The following TANC2 variants were observed in gnomAD, a reference collection of about 807,000 sequenced individuals.
The protein encoded by TANC2 is tetratricopeptide repeat, ankyrin repeat and coiled-coil containing 2.
Under a neutral mutation model 210.5 loss-of-function variants are expected in TANC2, and 26 were observed. The ratio of observed to expected loss-of-function variants is 0.12; its 90% CI spans 0.09 to 0.17. The LOEUF (loss-of-function observed/expected upper bound fraction) is 0.17, where lower values mean the gene tolerates loss of function less well. TANC2 is among the 10% of genes least tolerant of loss of function. TANC2 has a pLI of 1.00. For synonymous variants in TANC2, 931 were observed against 967.1 expected (o/e 0.96, Z 0.69); for missense variants, 2,129 against 2,608.9 (o/e 0.82, Z 4.01).
chr17:63,202,372 A>G (rs1425669700), intron 7 of TANC2, among the ~76,000 whole-genome samples: 2 of 152,132 alleles, frequency 1.3e-5, no homozygotes, highest in Non-Finnish European at 2.9e-5. Context: ...ATTTCTGGGT[A>G]TTCCTTTTCT....
At chr17:63,039,513 G>A (rs1445292036) in intron 2 of TANC2, among the ~76,000 whole-genome samples, 2 of 152,170 alleles carry the variant, frequency 1.3e-5, no homozygotes, top group African/African-American at 4.8e-5. Context: ...TATACAGACT[G>A]CAGTAGGAGG....
At chr17:63,027,937 T>A (rs2034622230) in intron 2 of TANC2, among the ~76,000 whole-genome samples, 1 of 152,108 alleles carries the variant, frequency 6.6e-6, no homozygotes, top group Non-Finnish European at 1.5e-5. Flanking sequence ...TCATAGAATT[T>A]TTTTTCTATT....
intron 7 of TANC2, among the ~76,000 whole-genome samples, chr17:63,219,965 T>C (rs1172570708): frequency 6.6e-6 from 1 of 152,164 alleles, no homozygotes; most frequent in Admixed American, 6.6e-5. Flanking sequence ...AACAGTGTGT[T>C]ACTGCTGTAA....
At chr17:63,282,866 G>A (rs2044102179) in intron 9 of TANC2, among the ~76,000 whole-genome samples, 1 of 151,886 alleles carries the variant, frequency 6.6e-6, no homozygotes, top group Admixed American at 6.6e-5. Flanking sequence ...TTGGATGCAC[G>A]TCCTTTAACA....
At chr17:63,417,899 C>T (rs1042853738) in intron 26 of TANC2, among the ~76,000 whole-genome samples, 11 of 152,170 alleles carry the variant, frequency 7.2e-5, no homozygotes, top group African/African-American at 2.7e-4. Context: ...CAGTGTAGTG[C>T]ATGTAGCAGG....
rs868389480 is a variant in TANC2, at chr17:63,049,893, G to A, written c.68-24050G>A. ...CAGCATTTACTGTTGGATTGTATGT[G>A]CAGTGGGAGAGAAAAAGAGGACTTA... On this transcript the variant is annotated intron_variant, in intron 2 of 27. Transcript: ENST00000689528. 5.3e-5 allele frequency among the ~76,000 whole-genome samples: 8 copies of A among 152,224 alleles called. No individual in the cohort carries two copies. The Middle Eastern group carries it at 0.014, about 259-fold the overall frequency.
At chr17:63,373,354 GTTAAAA>G (rs2047328235) in intron 14 of TANC2, among the ~76,000 whole-genome samples, 1 of 152,114 alleles carries the variant, frequency 6.6e-6, no homozygotes, top group African/African-American at 2.4e-5. Context: ...TTTTAATTAT[GTTAAAA>G]TTAAAGAATT....
chr17:63,198,156 A>G (rs569282807), intron 6 of TANC2, among the ~76,000 whole-genome samples: 2 of 152,170 alleles, frequency 1.3e-5, no homozygotes, highest in South Asian at 4.1e-4. Context: ...GAGTTGTTAT[A>G]AAAGTAATAG....
chr17:63,359,388 G>C (rs530060957), intron 14 of TANC2, among the ~76,000 whole-genome samples: 2 of 150,994 alleles, frequency 1.3e-5, no homozygotes, highest in South Asian at 2.1e-4. Flanking sequence ...CTGTCACCCA[G>C]GCTAGAGTGC....
At chr17:63,002,138 C>T (rs1244120493) in intron 1 of TANC2, among the ~76,000 whole-genome samples, 1 of 152,024 alleles carries the variant, frequency 6.6e-6, no homozygotes, top group African/African-American at 2.4e-5. Flanking sequence ...TAAATCATAC[C>T]ACAGAGTTGC....
chr17:63,228,203 T>C (rs2042377642), intron 7 of TANC2, among the ~76,000 whole-genome samples: 1 of 152,204 alleles, frequency 6.6e-6, no homozygotes, highest in Non-Finnish European at 1.5e-5. Flanking sequence ...TCCCCATTAC[T>C]TGTTTTTGTT....
At chr17:63,169,614 G>A (rs1342626165) in intron 5 of TANC2, among the ~76,000 whole-genome samples, 1 of 152,070 alleles carries the variant, frequency 6.6e-6, no homozygotes, top group African/African-American at 2.4e-5. Flanking sequence ...AGGAGATGGA[G>A]ACCGTCCTGG....
intron 1 of TANC2, among the ~76,000 whole-genome samples, chr17:62,981,830 A>G (rs2032317357): frequency 6.6e-6 from 1 of 152,218 alleles, no homozygotes; most frequent in Non-Finnish European, 1.5e-5. Context: ...AGGTTTGATT[A>G]TGGCTTAATT....
chr17:63,299,177 G>A lies in TANC2; in HGVS notation c.1160-15211G>A, dbSNP rs533056535. Among the ~76,000 whole-genome samples the A allele has an allele frequency of 2.0e-5, 3 of 152,184 alleles. No individual in the cohort carries two copies. In the South Asian group the frequency reaches 6.2e-4, roughly 32 times the overall value. On this transcript the variant is annotated intron_variant, in intron 9 of 27. Transcript: ENST00000689528. Reference sequence around the variant, plus strand: ...TTTATTTATCAAGTCTATCATTGATGGGCATTTGGGTTGGTTCCATGTCTT... The same window carrying A: ...TTTATTTATCAAGTCTATCATTGATAGGCATTTGGGTTGGTTCCATGTCTT...
At chr17:63,307,513 T>A (rs1315743989) in intron 9 of TANC2, among the ~76,000 whole-genome samples, 1 of 152,196 alleles carries the variant, frequency 6.6e-6, no homozygotes, top group Non-Finnish European at 1.5e-5. Flanking sequence ...CTCATTTCAG[T>A]GGCCTACATA....
intron 15 of TANC2, 45 bp from the exon 16 acceptor site, chr17:63,388,590 T>C (rs1192643167): frequency 1.3e-6 from 2 of 1,567,498 alleles, no homozygotes; most frequent in African/African-American, 2.7e-5. Flanking sequence ...GATGCTACTT[T>C]TTTTTGCTGG....
chr17:63,251,226 G>T (rs913182956), intron 8 of TANC2, among the ~76,000 whole-genome samples: 3 of 152,164 alleles, frequency 2.0e-5, no homozygotes, highest in Admixed American at 1.3e-4. Context: ...TTATGTGGTT[G>T]CTGAGAAGGA....
chr17:63,378,391 G>A (rs1262996758), intron 14 of TANC2, among the ~76,000 whole-genome samples: 1 of 151,262 alleles, frequency 6.6e-6, no homozygotes, highest in Non-Finnish European at 1.5e-5. Flanking sequence ...AGGATGCTTT[G>A]AGCTGGAAAA....
At chr17:63,088,788 G>C (rs543110370) in intron 3 of TANC2, 2 of 152,218 alleles carry the variant, frequency 1.3e-5, no homozygotes, top group East Asian at 3.9e-4. Flanking sequence ...ATCAAATACT[G>C]TCCTGCTCTA....
Sources: gnomAD v4.1 joint callset for allele counts (sites outside exome capture counted in the v4.1 genomes callset) on GRCh38, gnomAD v4.1.1 for gene constraint, MANE v1.5 for transcripts, NCBI Gene and HGNC (gene_info 2026-07-23, HGNC 2026-07-21) for gene names.